Variants in FAT2 observed in about 807,000 individuals in gnomAD.
FAT2 encodes the protein FAT atypical cadherin 2.
Under a neutral mutation model 295.3 loss-of-function variants are expected in FAT2, and 150 were observed. The observed-to-expected ratio is 0.51, with a 90% CI of 0.44 to 0.58. FAT2 has a LOEUF of 0.58. Ranked by LOEUF, FAT2 falls within the 20% of genes least tolerant of loss-of-function variation. The pLI, the probability that FAT2 is intolerant of heterozygous loss-of-function variation, is 0.00. For synonymous variants in FAT2, 2,026 were observed against 2,150.3 expected, an observed-to-expected ratio of 0.94 and a Z score of 1.60; for missense variants, 4,868 against 5,442.7, an observed-to-expected ratio of 0.89 and a Z score of 3.32.
At position 151,563,639 on chromosome 5, in the gene FAT2, C is replaced by A; in HGVS notation, c.3260G>T (p.Gly1087Val). The A allele has an allele frequency of 6.2e-7, 1 of 1,611,686 alleles. No homozygotes were observed. Among genetic ancestry groups the A allele is most frequent in the African/African-American group, 1.3e-5 (1 of 74,862 alleles). ...LAAFSINQDTGMIQTLAPLDR... is the reference protein window; with the variant it reads ...LAAFSINQDTVMIQTLAPLDR... ...CAGGGGTGCCAGAGTCTGAATCATT[C>A]CTAGGGACAGTAAGTCAGCAAACCC... The change falls in exon 3 of 24, where the codon GGA (glycine) becomes GTA (valine). Residue 1087 changes from glycine (G) to valine (V), a missense_variant and splice_region_variant. Coordinates refer to ENST00000261800, the MANE Select transcript of FAT2 (RefSeq NM_001447.3).
chr5:151,551,205 T>C (rs1757174953), intron 7 of FAT2, among the ~76,000 whole-genome samples: 1 of 152,178 alleles, frequency 6.6e-6, no homozygotes, highest in South Asian at 2.1e-4. Flanking sequence ...CATCCCCCTA[T>C]ACCCATAGTA....
intron 4 of FAT2, among the ~76,000 whole-genome samples, 157 bp from the exon 5 acceptor site, chr5:151,554,830 C>A (rs1757542759): frequency 6.6e-6 from 1 of 152,120 alleles, no homozygotes; most frequent in Admixed American, 6.5e-5. Context: ...TCTCTGGCAA[C>A]TTTGCCCCTG....
chr5:151,550,599 C>T lies in FAT2; in HGVS notation c.4569G>A (p.Leu1523=), dbSNP rs922330327. The T allele has an allele frequency of 6.2e-7, 1 of 1,614,006 alleles. No homozygotes were observed. Among genetic ancestry groups the T allele is most frequent in the Admixed American group, 1.7e-5 (1 of 60,006 alleles). The change falls in exon 8 of 24, where the codon CTG becomes CTA. Residue 1523 remains leucine, a synonymous_variant. Transcript: ENST00000261800. ...TTTTCCATTTACTCACCATGACTGTCAGTGTGTGCTGGGAGGGCCCCGAGC... is the reference window on the plus strand; with the variant it reads ...TTTTCCATTTACTCACCATGACTGTTAGTGTGTGCTGGGAGGGCCCCGAGC... The part of the protein sequence containing the change: ...DLGSGPSQHT[L]TVMVRDQEIP...
intron 12 of FAT2, among the ~76,000 whole-genome samples, chr5:151,535,597 C>G (rs1054447175): frequency 6.6e-6 from 1 of 152,144 alleles, no homozygotes; most frequent in Non-Finnish European, 1.5e-5. Flanking sequence ...TATAATAAAC[C>G]AGTAAACACA....
At position 151,542,638 on chromosome 5, in the gene FAT2, C is replaced by T. The variant is rs2127605807; in HGVS notation, c.8489G>A (p.Gly2830Asp). The T allele has an allele frequency of 1.2e-6, 2 of 1,614,202 alleles. No homozygotes were observed. The highest frequency in any genetic ancestry group is 1.7e-6 in the Non-Finnish European group (2 of 1,180,032). Residue 2830 changes from glycine to aspartate, a missense_variant, in exon 10 of 24, where the codon GGC becomes GAC. By Grantham distance (94) the Gly-to-Asp change is moderately conservative. Transcript: ENST00000261800. ...TAIDKDTGRD[G>D]QVSYRLSADP... ...TGCAGACAGCCTGTAGCTCACCTGG[C>T]CATCTCTCCCAGTGTCCTTGTCAAT...
In FAT2 at chr5:151,566,714, T is replaced by A. The variant is rs760367623; in HGVS notation, c.2218A>T (p.Thr740Ser). The A allele has an allele frequency of 3.9e-5, 63 of 1,614,062 alleles. No individual in the cohort carries two copies. The highest frequency in any genetic ancestry group is 4.9e-5 in the Non-Finnish European group (58 of 1,180,038). Residue 740 changes from threonine to serine, a missense_variant, in exon 2 of 24, where the codon ACT (threonine) becomes TCT (serine). Coordinates refer to ENST00000261800, the MANE Select transcript of FAT2 (RefSeq NM_001447.3). ...INTPLARLAA[T>S]DPDAGFNGKL... ...CCATTAAAACCAGCATCAGGGTCAG[T>A]GGCTGCTAGGCGGGCCAAGGGGGTG... is the stretch of plus-strand genomic sequence containing the variant.
intron 12 of FAT2, among the ~76,000 whole-genome samples, chr5:151,535,464 G>A (rs1054336296): frequency 6.6e-6 from 1 of 152,130 alleles, no homozygotes; most frequent in Non-Finnish European, 1.5e-5. Flanking sequence ...GGTTCCGAGA[G>A]CTTCCATATA....
intron 17 of FAT2, among the ~76,000 whole-genome samples, chr5:151,526,901 C>T (rs1561829899): frequency 6.6e-6 from 1 of 152,066 alleles, no homozygotes; most frequent in Non-Finnish European, 1.5e-5. Context: ...TGGAAACAAA[C>T]AAAAAAATCC....
chr5:151,535,125 G>C (rs1455756110), intron 12 of FAT2, among the ~76,000 whole-genome samples: 3 of 151,772 alleles, frequency 2.0e-5, no homozygotes, highest in African/African-American at 7.3e-5. Flanking sequence ...GACTGGTTAA[G>C]TATATTATGA....
Position 151,505,827 on chromosome 5 carries a change from A to G in FAT2, c.12788T>C (p.Leu4263Pro), listed in dbSNP as rs762151076. ...PSRPPSPRER[L>P]VAPCLNEYTA... ...GTACTCATTGAGACAGGGGGCAACC[A>G]GGCGCTCCCGGGGACTAGGGGGCCG... Residue 4263 changes from leucine (L) to proline (P), a missense_variant, in exon 24 of 24, where the codon CTG becomes CCG. Physicochemically the swap from Leu to Pro is moderately conservative, Grantham distance 98. This residue lies in a region of FAT2 where 492 missense variants were observed against 482.6 expected (regional missense o/e 1.02). Coordinates refer to ENST00000261800, the MANE Select transcript of FAT2 (RefSeq NM_001447.3). 1.2e-6 allele frequency: 2 copies of G among 1,613,306 alleles called. No individual in the cohort carries two copies. The highest frequency in any genetic ancestry group is 2.2e-5 in the East Asian group (1 of 44,840).
At chr5:151,522,596 A>G (rs1753587882) in intron 18 of FAT2, among the ~76,000 whole-genome samples, 2 of 152,204 alleles carry the variant, frequency 1.3e-5, no homozygotes, top group African/African-American at 4.8e-5. Flanking sequence ...GGCCAGGAGA[A>G]AAGAGACAAT....
At chr5:151,582,527 A>C (rs1344622750) in intron 1 of FAT2, among the ~76,000 whole-genome samples, 2 of 152,192 alleles carry the variant, frequency 1.3e-5, no homozygotes, top group East Asian at 3.9e-4. Flanking sequence ...TAGATGTTCA[A>C]CAAGTTCCCT....
chr5:151,549,153 C>T, intron 9 of FAT2, 142 bp downstream of exon 9: 2 of 711,968 alleles, frequency 2.8e-6, no homozygotes, highest in South Asian at 1.9e-5. Context: ...TTAGGTAGTC[C>T]CAGGGAATGC....
chr5:151,566,841 C>G lies in FAT2; in HGVS notation c.2091G>C (p.Glu697Asp), dbSNP rs1015546212. Residue 697 changes from glutamate (E) to aspartate (D), a missense_variant, in exon 2 of 24, where the codon GAG becomes GAC. Glu to Asp is a conservative substitution (Grantham distance 45). Around this residue, in one of 5 missense-constraint regions of FAT2, gnomAD observed 3,297 missense variants for 3,669.4 expected, o/e 0.90. Coordinates refer to ENST00000261800, the MANE Select transcript of FAT2 (RefSeq NM_001447.3). ...GATATGTGCTTAAAGAAGTGAATTC[C>G]TCATCACTGGACTCCTGGTTCTGAA... Reference protein sequence around the residue: ...IGLQNQESSDEEFTSLSTYQI... With the variant: ...IGLQNQESSDDEFTSLSTYQI... The G allele has an allele frequency of 5.0e-6, 8 of 1,614,036 alleles. No individual in the cohort carries two copies. In the Admixed American group the frequency reaches 5.0e-5, roughly 10 times the overall value.
chr5:151,525,741 C>T lies in FAT2; in HGVS notation c.10506+27G>A, dbSNP rs374729333. On this transcript the variant is annotated intron_variant, in intron 18 of 23. Transcript: ENST00000261800. ...AGCATCTTTACTGTCCCCATGGTCACCACCAGAAGCCTAGCACAGCTCTCA... is the reference window on the plus strand; with the variant it reads ...AGCATCTTTACTGTCCCCATGGTCATCACCAGAAGCCTAGCACAGCTCTCA... 48 of 1,613,432 alleles carry T rather than the reference C, an allele frequency of 3.0e-5. No homozygotes were observed. The African/African-American group carries it at 6.1e-4, about 21-fold the overall frequency.
In FAT2 at chr5:151,507,592, C is replaced by G; in HGVS notation, c.12079G>C (p.Gly4027Arg). The part of the protein sequence containing the change: ...TGDRCEMEAR[G>R]CSEGHCLVTP... ...ACTAGGCAGTGTCCTTCTGAACAAC[C>G]CCTCGCCTCCATTTCACACCTGCGG... Residue 4027 changes from glycine to arginine, a missense_variant, in exon 23 of 24, where the codon GGT becomes CGT. Gly to Arg is a moderately radical substitution (Grantham distance 125). Transcript: ENST00000261800. 3.1e-6 allele frequency: 5 copies of G among 1,605,464 alleles called. No individual in the cohort carries two copies. The highest frequency in any genetic ancestry group is 2.5e-6 in the Non-Finnish European group (3 of 1,177,616).
At position 151,568,437 on chromosome 5, in the gene FAT2, G is replaced by T. The variant is rs2127650069; in HGVS notation, c.495C>A (p.Ser165Arg). The T allele has an allele frequency of 1.9e-6, 3 of 1,614,176 alleles. No homozygotes were observed. Among genetic ancestry groups the T allele is most frequent in the Non-Finnish European group, 2.5e-6 (3 of 1,180,026 alleles). Residue 165 changes from serine to arginine, a missense_variant, in exon 2 of 24, where the codon AGC becomes AGA. By Grantham distance (110) the Ser-to-Arg change is moderately radical. Transcript: ENST00000261800. ...CTGTGGCAGTCACCTTGCAGATGGG[G>T]CTCTTCAGGGGCATGTCCTCAGAGA... is the stretch of plus-strand genomic sequence containing the variant. ...VTISEDMPLKSPICKVTATDA... is the reference protein window; with the variant it reads ...VTISEDMPLKRPICKVTATDA...
intron 1 of FAT2, among the ~76,000 whole-genome samples, chr5:151,584,578 C>T (rs556976434): frequency 2.0e-5 from 3 of 152,312 alleles, no homozygotes; most frequent in Middle Eastern, 3.4e-3. Context: ...GCACCGCATA[C>T]GGTCTCTGCC....
intron 3 of FAT2, among the ~76,000 whole-genome samples, chr5:151,557,198 A>G (rs759782315): frequency 2.6e-5 from 4 of 152,156 alleles, no homozygotes; most frequent in Non-Finnish European, 5.9e-5. Flanking sequence ...ACATGTTTGC[A>G]TCTGGATGTC....
Sources: gnomAD v4.1 joint callset for allele counts (sites outside exome capture counted in the v4.1 genomes callset) on GRCh38, gnomAD v4.1.1 for gene constraint, gnomAD v4.1.1 regional missense constraint, MANE v1.5 for transcripts, NCBI Gene and HGNC (gene_info 2026-07-23, HGNC 2026-07-21) for gene names.